Variants in SND1 observed in about 807,000 individuals in gnomAD.
SND1 encodes staphylococcal nuclease domain-containing protein 1.
A neutral mutation model predicts 121.7 loss-of-function variants in SND1; 38 were observed. The ratio of observed to expected loss-of-function variants is 0.31; its 90% CI spans 0.24 to 0.41. SND1 has a LOEUF of 0.41. Ranked by LOEUF, SND1 falls within the 10% of genes least tolerant of loss-of-function variation. The pLI, the probability that SND1 is intolerant of heterozygous loss-of-function variation, is 1.00. For synonymous variants in SND1, 401 were observed against 447.4 expected, an observed-to-expected ratio of 0.90 and a Z score of 1.31; for missense variants, 868 against 1,184.6, an observed-to-expected ratio of 0.73 and a Z score of 3.92.
At chr7:127,802,293 C>T (rs889717000) in intron 10 of SND1, among the ~76,000 whole-genome samples, 2 of 152,122 alleles carry the variant, frequency 1.3e-5, no homozygotes, top group Non-Finnish European at 2.9e-5. Context: ...CCATGTCATT[C>T]AAGGGTCAAC....
chr7:127,846,775 G>A (rs1050839734), intron 12 of SND1, among the ~76,000 whole-genome samples: 31 of 152,206 alleles, frequency 2.0e-4, no homozygotes, highest in South Asian at 4.1e-4. Flanking sequence ...CAGAATCACA[G>A]CAGATTCAGA....
chr7:127,692,078 G>C (rs183743687), intron 2 of SND1, among the ~76,000 whole-genome samples: 152 of 152,290 alleles, frequency 1.0e-3, no homozygotes, highest in African/African-American at 2.4e-3. Flanking sequence ...ATGGCACGGT[G>C]GGGTGGTTGG....
chr7:127,939,829 T>C (rs975902750), intron 15 of SND1, among the ~76,000 whole-genome samples: 1 of 152,182 alleles, frequency 6.6e-6, no homozygotes, highest in African/African-American at 2.4e-5. Flanking sequence ...TAGCTTTGGA[T>C]GGGTAGGTCA....
chr7:127,970,842 G>T (rs1584704859), intron 15 of SND1, among the ~76,000 whole-genome samples: 2 of 152,214 alleles, frequency 1.3e-5, no homozygotes, highest in South Asian at 2.1e-4. Flanking sequence ...AGGTATGGTG[G>T]CTCATGCCTA....
intron 10 of SND1, among the ~76,000 whole-genome samples, chr7:127,804,306 T>C (rs1303251208): frequency 6.6e-6 from 1 of 152,124 alleles, no homozygotes; most frequent in Non-Finnish European, 1.5e-5. Flanking sequence ...TCTTGTTTTC[T>C]GCTTGTGCTA....
chr7:127,937,663 C>T (rs1343174466), intron 15 of SND1, among the ~76,000 whole-genome samples: 1 of 152,178 alleles, frequency 6.6e-6, no homozygotes, highest in Non-Finnish European at 1.5e-5. Context: ...TTCCTCATTT[C>T]CTTCTTTTCC....
intron 12 of SND1, among the ~76,000 whole-genome samples, chr7:127,884,704 C>T (rs1799860368): frequency 6.6e-6 from 1 of 152,112 alleles, no homozygotes; most frequent in South Asian, 2.1e-4. Context: ...CCCTTCCCAC[C>T]TTCCTTGAGA....
chr7:127,808,035 G>A (rs1798267417), intron 11 of SND1, among the ~76,000 whole-genome samples: 1 of 152,156 alleles, frequency 6.6e-6, no homozygotes, highest in South Asian at 2.1e-4. Context: ...ATGCACTGTG[G>A]CATCAATGCT....
intron 3 of SND1, 54 bp downstream of exon 3, chr7:127,695,002 T>C: frequency 1.3e-6 from 2 of 1,586,468 alleles, no homozygotes; most frequent in East Asian, 2.3e-5. Flanking sequence ...CTGTTAAAGA[T>C]CAGTTTTCTT....
intron 10 of SND1, among the ~76,000 whole-genome samples, chr7:127,769,665 A>G (rs945552878): frequency 2.6e-5 from 4 of 151,954 alleles, no homozygotes; most frequent in African/African-American, 9.7e-5. Flanking sequence ...TGTTGATGGA[A>G]TCTTAAAAAA....
intron 16 of SND1, among the ~76,000 whole-genome samples, chr7:128,064,670 T>G (rs1793284293): frequency 6.6e-6 from 1 of 152,150 alleles, no homozygotes; most frequent in Admixed American, 6.5e-5. Context: ...AAAGTTGAGT[T>G]CTATAATTCA....
intron 12 of SND1, among the ~76,000 whole-genome samples, chr7:127,848,246 C>T (rs1279099191): frequency 1.3e-5 from 2 of 152,152 alleles, no homozygotes; most frequent in African/African-American, 4.8e-5. Flanking sequence ...TTAACACATG[C>T]GAATGTTTTA....
Position 127,994,742 on chromosome 7 carries a change from C to T in SND1, c.1779+3686C>T, listed in dbSNP as rs183678645. 4.6e-5 allele frequency among the ~76,000 whole-genome samples: 7 copies of T among 152,120 alleles called. No homozygotes were observed. In the East Asian group the frequency reaches 7.7e-4, roughly 17 times the overall value. ...TGTTTGATTGTTTGAAACGGAGTCT[C>T]GCTCTGTCGCCCAGGCTGGAGTGCA... On this transcript the variant is annotated intron_variant, in intron 16 of 23. Transcript: ENST00000354725.
chr7:127,962,835 C>T (rs1358897448), intron 15 of SND1, among the ~76,000 whole-genome samples: 1 of 152,190 alleles, frequency 6.6e-6, no homozygotes, highest in Non-Finnish European at 1.5e-5. Context: ...GGACTTTCAG[C>T]TCTACAACTT....
intron 11 of SND1, among the ~76,000 whole-genome samples, chr7:127,837,249 T>G: frequency 6.6e-6 from 1 of 152,182 alleles, no homozygotes; most frequent in Non-Finnish European, 1.5e-5. Flanking sequence ...CCACTGAGTT[T>G]TAAGCATTGC....
intron 3 of SND1, among the ~76,000 whole-genome samples, chr7:127,696,816 T>C (rs1157158960): frequency 6.6e-6 from 1 of 152,260 alleles, no homozygotes; most frequent in East Asian, 1.9e-4. Flanking sequence ...TAATTTAATT[T>C]AGTATGTTAA....
chr7:127,691,587 AAAAT>A (rs1287248492), intron 2 of SND1, among the ~76,000 whole-genome samples: 1 of 151,968 alleles, frequency 6.6e-6, no homozygotes, highest in African/African-American at 2.4e-5. Context: ...AAGAAGGTAA[AAAAT>A]AAAAAAATAA....
chr7:128,013,655 T>C (rs1264998193), intron 16 of SND1, among the ~76,000 whole-genome samples: 1 of 152,118 alleles, frequency 6.6e-6, no homozygotes, highest in African/African-American at 2.4e-5. Context: ...TCATCAGGCA[T>C]TAGATTCGCA....
At chr7:127,721,662 G>A (rs1796498361) in intron 10 of SND1, among the ~76,000 whole-genome samples, 1 of 152,198 alleles carries the variant, frequency 6.6e-6, no homozygotes, top group Non-Finnish European at 1.5e-5. Context: ...TGAGTGCAGT[G>A]AGGGTTGGGA....
Sources: allele counts gnomAD v4.1 joint callset (sites outside exome capture counted in the v4.1 genomes callset), GRCh38; gene constraint gnomAD v4.1.1; transcripts MANE v1.5; gene names NCBI Gene and HGNC (gene_info 2026-07-23, HGNC 2026-07-21).